Variants in URB1 observed in about 807,000 individuals in gnomAD.
The protein encoded by URB1 is nucleolar pre-ribosomal-associated protein 1.
Under a neutral mutation model 242.3 loss-of-function variants are expected in URB1, and 197 were observed. That is an observed-to-expected ratio of 0.81 (90% CI 0.72 to 0.91). The LOEUF is 0.91. Ranked by LOEUF, URB1 falls within the 40% of genes least tolerant of loss-of-function variation. The probability of loss-of-function intolerance (pLI) is 0.00; values close to 1 mark genes in which losing one functional copy is unlikely to be tolerated. For synonymous variants in URB1, 1,153 were observed against 1,201.8 expected (o/e 0.96, Z 0.84); for missense variants, 2,721 against 2,860.5 (o/e 0.95, Z 1.11).
In URB1 at chr21:32,347,050, C is replaced by A. The variant is rs1231238739; in HGVS notation, c.3774G>T (p.Gly1258=). The part of the protein sequence containing the change: ...FEQWCLQAGP[G]LGLQGDLDDF... ...CGTCCAGGTCCCCCTGGAGGCCGAG[C>A]CCTGGGCCAGCCTGCAGGCACCACT... The change falls in exon 22 of 39, where the codon GGG becomes GGT. Residue 1258 remains glycine (G), a synonymous_variant. Coordinates refer to ENST00000382751, the MANE Select transcript of URB1 (RefSeq NM_014825.3). 1.3e-6 allele frequency: 2 copies of A among 1,550,154 alleles called. No individual in the cohort carries two copies. Among genetic ancestry groups the A allele is most frequent in the Non-Finnish European group, 1.7e-6 (2 of 1,146,218 alleles).
chr21:32,321,257 C>T (rs374476038), intron 34 of URB1, among the ~76,000 whole-genome samples: 1 of 152,214 alleles, frequency 6.6e-6, no homozygotes, highest in Non-Finnish European at 1.5e-5. Flanking sequence ...TTCCTATTTC[C>T]TTCTACCACC....
Position 32,359,154 on chromosome 21 carries a change from A to G in URB1, c.1869+642T>C, listed in dbSNP as rs568030235. 6.4e-4 allele frequency among the ~76,000 whole-genome samples: 97 copies of G among 152,350 alleles called. 1 individual carries two copies. The highest frequency in any genetic ancestry group is 2.2e-3 in the African/African-American group (91 of 41,584). ...TTCCATATAAGATCTAAGTCATTAA[A>G]AAGTACATCAGCTCAGATTATAAGA... On this transcript the variant is annotated intron_variant, in intron 14 of 38. Transcript: ENST00000382751.
chr21:32,351,321 C>A (rs2033155695), intron 19 of URB1, among the ~76,000 whole-genome samples: 2 of 152,156 alleles, frequency 1.3e-5, no homozygotes, highest in East Asian at 3.9e-4. Flanking sequence ...AGACCTTCCC[C>A]AGGAGCTGCG....
Position 32,341,493 on chromosome 21 carries a change from C to T in URB1, c.4289G>A (p.Trp1430Ter), listed in dbSNP as rs2033028848. The change falls in exon 25 of 39, where the codon TGG becomes TAG. Residue 1430 changes from tryptophan (W) to a stop codon, truncating the protein, a stop_gained. Coordinates refer to ENST00000382751, the MANE Select transcript of URB1 (RefSeq NM_014825.3). LOFTEE classifies it high-confidence loss of function. ...HALNEVDPGDWQKFVKKGLKF... is the reference protein window; with the variant it reads ...HALNEVDPGD ...GAGTCCCTTCTTCACGAATTTCTGC[C>T]AGTCACCAGGATCAACTTCATTAAG... 10 of 1,551,508 alleles carry T rather than the reference C, an allele frequency of 6.4e-6. No homozygotes were observed. Among genetic ancestry groups the T allele is most frequent in the Non-Finnish European group, 8.7e-6 (10 of 1,146,942 alleles).
At chr21:32,331,073 T>A (rs1333697177) in intron 30 of URB1, among the ~76,000 whole-genome samples, 1 of 152,202 alleles carries the variant, frequency 6.6e-6, no homozygotes, top group East Asian at 1.9e-4. Flanking sequence ...ACAGGATGAA[T>A]AGTGGAACAA....
Position 32,354,863 on chromosome 21 carries a change from AATGTGGGAG to A in URB1, c.2232_2240del (p.Ser745_Ile747del). 2 of 1,552,304 alleles carry A rather than the reference AATGTGGGAG, an allele frequency of 1.3e-6. No homozygotes were observed. The highest frequency in any genetic ancestry group is 1.7e-6 in the Non-Finnish European group (2 of 1,147,110). ...GCAGAACAGAATGGAACATACCGTC[AATGTGGGAG>A]ATGGGAATGCTCATGTCATCGGCTT... On this transcript the variant is annotated inframe_deletion, in exon 17 of 39. Coordinates refer to ENST00000382751, the MANE Select transcript of URB1 (RefSeq NM_014825.3).
chr21:32,357,249 G>A (rs926826244), intron 15 of URB1, among the ~76,000 whole-genome samples: 3 of 149,352 alleles, frequency 2.0e-5, no homozygotes, highest in Non-Finnish European at 4.4e-5. Context: ...AAGAGGCACT[G>A]CCTAATAAAC....
At chr21:32,335,395 G>C (rs1285893262) in intron 28 of URB1, 1 of 152,236 alleles carries the variant, frequency 6.6e-6, no homozygotes, top group Non-Finnish European at 1.5e-5. Context: ...TATATCACGG[G>C]GCGTGAGTCA....
chr21:32,336,821 C>T (rs2032964999), intron 28 of URB1, among the ~76,000 whole-genome samples: 1 of 152,220 alleles, frequency 6.6e-6, no homozygotes, highest in Non-Finnish European at 1.5e-5. Flanking sequence ...TGAGACACCC[C>T]AGTCCAGCTG....
In URB1 at chr21:32,385,623, CACA is replaced by C; in HGVS notation, c.201_203del (p.Val68del). Reference sequence around the variant, plus strand: ...CAACAGAAATCTTTATATACCCTTCCACAACATCATACACATCTTCTCGTGGTA... The same window carrying C: ...CAACAGAAATCTTTATATACCCTTCCACATCATACACATCTTCTCGTGGTA... On this transcript the variant is annotated inframe_deletion, in exon 2 of 39. Transcript: ENST00000382751. 6.4e-7 allele frequency: 1 copy of C among 1,551,828 alleles called. No individual in the cohort carries two copies. The highest frequency in any genetic ancestry group is 8.7e-7 in the Non-Finnish European group (1 of 1,147,018).
intron 22 of URB1, among the ~76,000 whole-genome samples, chr21:32,346,327 C>T (rs914059684): frequency 2.0e-5 from 3 of 152,194 alleles, no homozygotes; most frequent in Admixed American, 6.5e-5. Context: ...TCAGGTCTTC[C>T]GTTATACCAA....
At chr21:32,388,354 A>C (rs939174865) in intron 1 of URB1, among the ~76,000 whole-genome samples, 1 of 152,162 alleles carries the variant, frequency 6.6e-6, no homozygotes, top group Non-Finnish European at 1.5e-5. Flanking sequence ...AACCCTCAAA[A>C]CATAAGCAGC....
At chr21:32,319,155 G>T in intron 36 of URB1, 62 bp downstream of exon 36, 1 of 1,475,238 alleles carries the variant, frequency 6.8e-7, no homozygotes, top group South Asian at 1.3e-5. Flanking sequence ...GTGTCCACAG[G>T]TGGCAGACCA....
chr21:32,334,404 C>T lies in URB1; in HGVS notation c.4686-70G>A, dbSNP rs1048795124. 11 of 1,467,222 alleles carry T rather than the reference C, an allele frequency of 7.5e-6. No homozygotes were observed. In the Admixed American group the frequency reaches 1.2e-4, roughly 16 times the overall value. 90.9% of individuals were successfully genotyped at this position (1,467,222 alleles called of 1,614,324 possible). A position where few individuals can be genotyped will look rare whatever the true frequency, so the allele number is the denominator to read the frequency against. On this transcript the variant is annotated intron_variant, in intron 28 of 38. Transcript: ENST00000382751. ...GGAACAGAATTAATCATGATAACAA[C>T]AACAGGTAGCAGTTGTCAGGCTGCC...
chr21:32,311,416 C>G lies in URB1; in HGVS notation c.*3502G>C, dbSNP rs909287202. On this transcript the variant is annotated 3_prime_UTR_variant, in exon 39 of 39. Coordinates refer to ENST00000382751, the MANE Select transcript of URB1 (RefSeq NM_014825.3). Reference sequence around the variant, plus strand: ...TCAACCTGCTCCCCTCCACCCCCCACCCCCCCCATCCTAAATCAATGTAGG... The same window carrying G: ...TCAACCTGCTCCCCTCCACCCCCCAGCCCCCCCATCCTAAATCAATGTAGG... The G allele has an allele frequency of 1.1e-5, 3 of 278,138 alleles. No homozygotes were observed. The highest frequency in any genetic ancestry group is 6.7e-6 in the Non-Finnish European group (1 of 149,086). 17.2% of individuals were successfully genotyped at this position (278,138 alleles called of 1,614,324 possible). A position where few individuals can be genotyped will look rare whatever the true frequency, so the allele number is the denominator to read the frequency against.
chr21:32,332,155 C>T (rs1441760159), intron 30 of URB1, among the ~76,000 whole-genome samples: 1 of 152,152 alleles, frequency 6.6e-6, no homozygotes, highest in Admixed American at 6.5e-5. Context: ...TCACACCTCA[C>T]AGAAAAGTGA....
At position 32,389,397 on chromosome 21, in the gene URB1, CAT is replaced by C. The variant is rs564812343; in HGVS notation, c.142+3370_142+3371del. On this transcript the variant is annotated intron_variant, in intron 1 of 38. Transcript: ENST00000382751. ...CTGAAGGGTGTCATGAGAGGAGTGA[CAT>C]AATCAGATTTGGAGCTCTGAAGGAT... Among the ~76,000 whole-genome samples the C allele has an allele frequency of 2.2e-4, 33 of 152,310 alleles. No homozygotes were observed. The South Asian group carries it at 6.4e-3, about 30-fold the overall frequency.
At chr21:32,324,060 T>C (rs2032798334) in intron 32 of URB1, among the ~76,000 whole-genome samples, 1 of 152,192 alleles carries the variant, frequency 6.6e-6, no homozygotes, top group African/African-American at 2.4e-5. Flanking sequence ...GAAACGGGCA[T>C]GGGGAAGTCC....
intron 37 of URB1, 55 bp downstream of exon 37, chr21:32,317,621 A>C: frequency 1.3e-6 from 2 of 1,532,994 alleles, no homozygotes; most frequent in South Asian, 2.4e-5. Flanking sequence ...AGGGACGGAC[A>C]GGGTGAGAGA....
Sources: gnomAD v4.1 joint callset for allele counts (sites outside exome capture counted in the v4.1 genomes callset) on GRCh38, gnomAD v4.1.1 for gene constraint, MANE v1.5 for transcripts, NCBI Gene and HGNC (gene_info 2026-07-23, HGNC 2026-07-21) for gene names.